PGR: variants seen among roughly 807,000 people sequenced by gnomAD.
The protein encoded by PGR is nuclear receptor subfamily 3 group C member 3.
In PGR, 25 loss-of-function variants were observed where a neutral mutation model predicts 76.1. That is an observed-to-expected ratio of 0.33 (90% confidence interval 0.24 to 0.46). The LOEUF (loss-of-function observed/expected upper bound fraction) is 0.46, where lower values mean the gene tolerates loss of function less well. PGR is among the 20% of genes least tolerant of loss of function. The pLI, the probability that PGR is intolerant of heterozygous loss-of-function variation, is 1.00. For synonymous variants in PGR, 579 were observed against 535.0 expected, an observed-to-expected ratio of 1.08 and a Z score of -1.14; for missense variants, 1,172 against 1,225.3, an observed-to-expected ratio of 0.96 and a Z score of 0.65.
chr11:101,109,691 T>C lies in PGR; in HGVS notation c.1789+16316A>G, dbSNP rs571238535. Among the ~76,000 whole-genome samples, 23 of 152,350 alleles carry C rather than the reference T, an allele frequency of 1.5e-4. No individual in the cohort carries two copies. In the South Asian group the frequency reaches 4.8e-3, roughly 32 times the overall value. ...AAGCAGCAAGTGCTGATGTAGAAGC[T>C]GCAGCAAGTTATCCAAAAGATCTAG... On this transcript the variant is annotated intron_variant, in intron 2 of 7. Transcript: ENST00000325455.
Position 101,037,352 on chromosome 11 carries a change from T to C in PGR, c.*1764A>G. The C allele has an allele frequency of 4.6e-6, 1 of 216,420 alleles. No homozygotes were observed. Among genetic ancestry groups the C allele is most frequent in the Non-Finnish European group, 9.3e-6 (1 of 107,504 alleles). 13.4% of individuals were successfully genotyped at this position (216,420 alleles called of 1,614,324 possible). On this transcript the variant is annotated 3_prime_UTR_variant, in exon 8 of 8. Transcript: ENST00000325455. Reference sequence around the variant, plus strand: ...TGGACTGTAACTTTCCTGAGTTATATGTCTTTCTTCAGCTCCAAATTCTCA... The same window carrying C: ...TGGACTGTAACTTTCCTGAGTTATACGTCTTTCTTCAGCTCCAAATTCTCA...
intron 6 of PGR, among the ~76,000 whole-genome samples, chr11:101,047,326 A>G (rs767962731): frequency 2.0e-5 from 3 of 152,204 alleles, no homozygotes; most frequent in Non-Finnish European, 4.4e-5. Context: ...TATCTGTGAC[A>G]TAAGTGCTAT....
chr11:101,049,686 T>C (rs1250324289), intron 6 of PGR, among the ~76,000 whole-genome samples: 1 of 152,140 alleles, frequency 6.6e-6, no homozygotes, highest in East Asian at 1.9e-4. Context: ...GAAAGAGTAA[T>C]TAAATCATTT....
intron 3 of PGR, among the ~76,000 whole-genome samples, chr11:101,075,023 C>T (rs1861073695): frequency 6.6e-6 from 1 of 152,108 alleles, no homozygotes; most frequent in African/African-American, 2.4e-5. Flanking sequence ...CAAGACAATC[C>T]TAAGCAAAAA....
chr11:101,123,972 C>A (rs1862760742), intron 2 of PGR, among the ~76,000 whole-genome samples: 1 of 152,244 alleles, frequency 6.6e-6, no homozygotes, highest in Admixed American at 6.5e-5. Context: ...TTTATAGCAA[C>A]CCTAAGAAAT....
chr11:101,117,498 G>A (rs1862547456), intron 2 of PGR, among the ~76,000 whole-genome samples: 1 of 151,942 alleles, frequency 6.6e-6, no homozygotes, highest in Non-Finnish European at 1.5e-5. Flanking sequence ...ATAGCAAATG[G>A]AGCAAATTTG....
At chr11:101,054,231 G>A (rs1433134012) in intron 4 of PGR, among the ~76,000 whole-genome samples, 1 of 151,444 alleles carries the variant, frequency 6.6e-6, no homozygotes, top group Admixed American at 6.6e-5. Context: ...GTTTTTTGTT[G>A]TTGCTTGTGT....
chr11:101,122,080 G>A lies in PGR; in HGVS notation c.1789+3927C>T, dbSNP rs368207506. Among the ~76,000 whole-genome samples the A allele has an allele frequency of 1.0e-4, 15 of 149,710 alleles. 1 individual carries two copies. In the South Asian group the frequency reaches 1.9e-3, roughly 19 times the overall value. ...TAAGGCAGGAGAATGGCATGAACCC[G>A]GGAGGCGGAGCTTGCAGTGAGCCGA... is the stretch of plus-strand genomic sequence containing the variant. On this transcript the variant is annotated intron_variant, in intron 2 of 7. Coordinates refer to ENST00000325455, the MANE Select transcript of PGR (RefSeq NM_000926.4).
rs1178961599 is a variant in PGR, at chr11:101,038,077, A to T, written c.*1039T>A. On this transcript the variant is annotated 3_prime_UTR_variant, in exon 8 of 8. Transcript: ENST00000325455. ...TGTCAAAGGGGGAAAATTCTGGAAG[A>T]AATTTCATGGTAAAAAGATTTGCAT... 5.0e-6 allele frequency: 1 copy of T among 200,732 alleles called. No homozygotes were observed. Among genetic ancestry groups the T allele is most frequent in the Non-Finnish European group, 1.0e-5 (1 of 97,360 alleles). The allele number at this position is 200,732 out of a possible 1,614,324, so 12.4% of individuals were successfully genotyped here. A position where few individuals can be genotyped will look rare whatever the true frequency, so the allele number is the denominator to read the frequency against.
At chr11:101,061,370 A>G (rs1044312989) in intron 4 of PGR, among the ~76,000 whole-genome samples, 2 of 152,152 alleles carry the variant, frequency 1.3e-5, no homozygotes, top group African/African-American at 4.8e-5. Context: ...ACTTTTCTTA[A>G]TATGTATTTT....
At chr11:101,099,244 T>C (rs1370707233) in intron 2 of PGR, among the ~76,000 whole-genome samples, 1 of 152,228 alleles carries the variant, frequency 6.6e-6, no homozygotes, top group Non-Finnish European at 1.5e-5. Flanking sequence ...TGAGAATAAA[T>C]GTCTAGCTCC....
intron 3 of PGR, among the ~76,000 whole-genome samples, chr11:101,069,853 G>A (rs1204551819): frequency 6.6e-6 from 1 of 152,088 alleles, no homozygotes; most frequent in Non-Finnish European, 1.5e-5. Context: ...AGGGCCTGTT[G>A]AGGGGTGGGG....
chr11:101,126,512 T>C (rs921029678), intron 1 of PGR, among the ~76,000 whole-genome samples: 2 of 152,240 alleles, frequency 1.3e-5, no homozygotes, highest in Non-Finnish European at 2.9e-5. Flanking sequence ...TTCCTGTCTG[T>C]ATGCTGGGTC....
At chr11:101,058,964 A>G (rs564732105) in intron 4 of PGR, among the ~76,000 whole-genome samples, 2 of 152,172 alleles carry the variant, frequency 1.3e-5, no homozygotes, top group Non-Finnish European at 2.9e-5. Context: ...TTCTCAATCC[A>G]TAGCTACTAA....
rs556658874 is a variant in PGR, at chr11:101,098,151, G to C, written c.1790-6275C>G. Reference sequence around the variant, plus strand: ...AAAATGTGATTAGATCATTTTATTTGCCTAGTGACTTACAAAAATTTTAGA... The same window carrying C: ...AAAATGTGATTAGATCATTTTATTTCCCTAGTGACTTACAAAAATTTTAGA... On this transcript the variant is annotated intron_variant, in intron 2 of 7. Coordinates refer to ENST00000325455, the MANE Select transcript of PGR (RefSeq NM_000926.4). 4.0e-3 allele frequency among the ~76,000 whole-genome samples: 605 copies of C among 152,158 alleles called. 6 individuals carry two copies. Among genetic ancestry groups the C allele is most frequent in the African/African-American group, 0.014 (566 of 41,508 alleles).
At chr11:101,059,501 C>A (rs1282062158) in intron 4 of PGR, among the ~76,000 whole-genome samples, 1 of 151,976 alleles carries the variant, frequency 6.6e-6, no homozygotes, top group Non-Finnish European at 1.5e-5. Context: ...GGTTTATAAA[C>A]GTGCTGACAT....
chr11:101,042,889 G>A (rs554614890), intron 6 of PGR, among the ~76,000 whole-genome samples: 1 of 152,250 alleles, frequency 6.6e-6, no homozygotes, highest in East Asian at 1.9e-4. Flanking sequence ...ACACTTTATT[G>A]CTAGAAAATG....
At chr11:101,111,929 C>T (rs1483881438) in intron 2 of PGR, among the ~76,000 whole-genome samples, 1 of 152,148 alleles carries the variant, frequency 6.6e-6, no homozygotes, top group African/African-American at 2.4e-5. Context: ...TGGACCCTCT[C>T]ATATTAAAAG....
chr11:101,057,278 C>T (rs1338846827), intron 4 of PGR, among the ~76,000 whole-genome samples: 1 of 151,894 alleles, frequency 6.6e-6, no homozygotes, highest in Non-Finnish European at 1.5e-5. Flanking sequence ...CAAAGGAAGA[C>T]GTGGGAAAAG....
Sources: gnomAD v4.1 joint callset for allele counts (sites outside exome capture counted in the v4.1 genomes callset) on GRCh38, gnomAD v4.1.1 for gene constraint, MANE v1.5 for transcripts, NCBI Gene and HGNC (gene_info 2026-07-23, HGNC 2026-07-21) for gene names.